The following RAB38 variants were observed in gnomAD, a reference collection of about 807,000 sequenced individuals.
The protein encoded by RAB38 is ras-related protein Rab-38.
In RAB38, 15 loss-of-function variants were observed where a neutral mutation model predicts 18.4. That is an observed-to-expected ratio of 0.82 (90% confidence interval 0.55 to 1.26). The LOEUF is 1.26. RAB38 is among the 50% of genes most tolerant of loss of function. The pLI is 0.00. For missense variants in RAB38, 294 were observed against 267.4 expected, an observed-to-expected ratio of 1.10 and a Z score of -0.69; for synonymous variants, 101 against 104.4, an observed-to-expected ratio of 0.97 and a Z score of 0.20.
chr11:87,915,871 C>T, the RAB38 span, among the ~76,000 whole-genome samples: 83 of 152,170 alleles, frequency 5.5e-4, 2 homozygotes, highest in South Asian at 8.3e-4. Flanking sequence ...GGAGTCCACC[C>T]CTCACACCAG....
At chr11:88,091,119 A>G in the RAB38 span, among the ~76,000 whole-genome samples, 2 of 151,978 alleles carry the variant, frequency 1.3e-5, no homozygotes, top group Non-Finnish European at 2.9e-5. Context: ...TACCCAAATG[A>G]TGTAAGAATT....
intron 1 of RAB38, among the ~76,000 whole-genome samples, chr11:88,174,383 A>T (rs1192497894): frequency 6.6e-6 from 1 of 152,068 alleles, no homozygotes; most frequent in African/African-American, 2.4e-5. Context: ...ATTGTAAAAA[A>T]CAAAAACAAA....
the RAB38 span, among the ~76,000 whole-genome samples, chr11:87,844,080 G>A: frequency 9.2e-5 from 14 of 151,922 alleles, no homozygotes; most frequent in Middle Eastern, 3.4e-3. Context: ...TTCATATAAC[G>A]TCTCATCAGA....
chr11:87,840,935 C>G, the RAB38 span, among the ~76,000 whole-genome samples: 69 of 152,090 alleles, frequency 4.5e-4, no homozygotes, highest in African/African-American at 1.5e-3. Flanking sequence ...TTAAAGTTCT[C>G]GTTACAGGTA....
the RAB38 span, among the ~76,000 whole-genome samples, chr11:88,070,329 A>T: frequency 1.2e-4 from 19 of 152,288 alleles, no homozygotes; most frequent in African/African-American, 4.3e-4. Flanking sequence ...GAGACCACGA[A>T]CCCACCAGAA....
At chr11:87,838,125 T>TA in the RAB38 span, among the ~76,000 whole-genome samples, 2 of 148,224 alleles carry the variant, frequency 1.3e-5, no homozygotes, top group African/African-American at 5.0e-5. Context: ...TTTTATTTTT[T>TA]TTTTTTTGAG....
chr11:88,027,017 A>T, the RAB38 span, among the ~76,000 whole-genome samples: 122 of 152,314 alleles, frequency 8.0e-4, no homozygotes, highest in African/African-American at 2.8e-3. Flanking sequence ...ACATTTTTTA[A>T]ATTGACACTG....
In RAB38 at chr11:88,153,135, T is replaced by G. The variant is rs1210052701; in HGVS notation, c.203-3180A>C. Among the ~76,000 whole-genome samples, 3 of 152,230 alleles carry G rather than the reference T, an allele frequency of 2.0e-5. No homozygotes were observed. The East Asian group carries it at 5.8e-4, about 29-fold the overall frequency. On this transcript the variant is annotated intron_variant, in intron 1 of 2. Transcript: ENST00000243662. ...CTTGAAAAGTCAGAAGGCATGGTCT[T>G]AATTTTACTTACTGGTTACCAGAAC...
the RAB38 span, among the ~76,000 whole-genome samples, chr11:87,845,249 A>T: frequency 2.6e-5 from 4 of 152,206 alleles, no homozygotes; most frequent in African/African-American, 9.6e-5. Context: ...TAACACTAGG[A>T]TGACACAGAT....
the RAB38 span, among the ~76,000 whole-genome samples, chr11:88,027,386 C>T: frequency 3.9e-5 from 6 of 152,062 alleles, no homozygotes; most frequent in African/African-American, 9.7e-5. Flanking sequence ...TCAGTGGGTG[C>T]GTGCACCGTG....
the RAB38 span, among the ~76,000 whole-genome samples, chr11:87,911,571 T>C: frequency 2.0e-5 from 3 of 152,086 alleles, no homozygotes; most frequent in Non-Finnish European, 4.4e-5. Context: ...TCTTTGCTAG[T>C]ATATAGAAAC....
the RAB38 span, among the ~76,000 whole-genome samples, chr11:87,853,214 T>C: frequency 6.6e-6 from 1 of 152,142 alleles, no homozygotes; most frequent in Admixed American, 6.6e-5. Flanking sequence ...AATGAGTGAG[T>C]TATAGACAGA....
At chr11:88,073,156 T>C in the RAB38 span, among the ~76,000 whole-genome samples, 3 of 152,032 alleles carry the variant, frequency 2.0e-5, no homozygotes, top group East Asian at 5.8e-4. Flanking sequence ...CAACACACCA[T>C]AAGAAGTGTT....
the RAB38 span, among the ~76,000 whole-genome samples, chr11:88,028,805 G>A: frequency 1.3e-5 from 2 of 152,178 alleles, no homozygotes; most frequent in East Asian, 1.9e-4. Context: ...AAAACACTCT[G>A]CAGGATATTA....
At chr11:87,894,145 T>A in the RAB38 span, among the ~76,000 whole-genome samples, 1 of 151,718 alleles carries the variant, frequency 6.6e-6, no homozygotes. Flanking sequence ...TTAGTTAGAT[T>A]CATTCCTAAG....
the RAB38 span, among the ~76,000 whole-genome samples, chr11:88,093,576 G>A: frequency 3.0e-3 from 455 of 151,872 alleles, 3 homozygotes; most frequent in Middle Eastern, 6.8e-3. Flanking sequence ...TACCAGGATT[G>A]TTTATAACAG....
chr11:87,850,630 C>A, the RAB38 span, among the ~76,000 whole-genome samples: 1 of 151,590 alleles, frequency 6.6e-6, no homozygotes, highest in African/African-American at 2.4e-5. Flanking sequence ...ATATCTATAC[C>A]TTCTTCGTCT....
the RAB38 span, among the ~76,000 whole-genome samples, chr11:88,081,945 T>C: frequency 2.0e-5 from 3 of 151,974 alleles, no homozygotes; most frequent in African/African-American, 2.4e-5. Context: ...TACTAATACA[T>C]GTAACAAAAA....
the RAB38 span, among the ~76,000 whole-genome samples, chr11:87,977,871 A>G: frequency 1.8e-5 from 2 of 112,950 alleles, no homozygotes; most frequent in African/African-American, 3.5e-5. Flanking sequence ...ACTTACAAAT[A>G]TATATAAAGA....
Sources: allele counts gnomAD v4.1 joint callset (sites outside exome capture counted in the v4.1 genomes callset), GRCh38; gene constraint gnomAD v4.1.1; transcripts MANE v1.5; gene names NCBI Gene and HGNC (gene_info 2026-07-23, HGNC 2026-07-21).